The following PIEZO1 variants were observed in gnomAD, a reference collection of about 807,000 sequenced individuals.
PIEZO1 encodes piezo-type mechanosensitive ion channel component 1.
In PIEZO1, 296 loss-of-function variants were observed where a neutral mutation model predicts 297.2. The ratio of observed to expected loss-of-function variants is 1.00; its 90% CI spans 0.91 to 1.10. The LOEUF (loss-of-function observed/expected upper bound fraction) is 1.10, where lower values mean the gene tolerates loss of function less well. Among genes scored for constraint, PIEZO1 ranks in the 50% least tolerant of loss-of-function variants. PIEZO1 has a pLI of 0.00. For synonymous variants in PIEZO1, 2,427 were observed against 1,507.5 expected, an observed-to-expected ratio of 1.61 and a Z score of -14.13; for missense variants, 5,018 against 3,455.5, an observed-to-expected ratio of 1.45 and a Z score of -11.34.
intron 1 of PIEZO1, among the ~76,000 whole-genome samples, chr16:88,751,472 C>A (rs796480330): frequency 2.0e-5 from 3 of 152,334 alleles, no homozygotes; most frequent in African/African-American, 7.2e-5. Context: ...GGGCTCAAGG[C>A]GGCCTCGGCT....
At chr16:88,753,678 C>T (rs891609424) in intron 1 of PIEZO1, among the ~76,000 whole-genome samples, 7 of 152,176 alleles carry the variant, frequency 4.6e-5, no homozygotes, top group African/African-American at 1.7e-4. Context: ...CACGGCTTTT[C>T]GAAACACTCC....
rs1567669804 is a variant in PIEZO1, at chr16:88,731,866, G to C, written c.3036C>G (p.Asn1012Lys). 3 of 1,399,174 alleles carry C rather than the reference G, an allele frequency of 2.1e-6. No homozygotes were observed. Among genetic ancestry groups the C allele is most frequent in the Non-Finnish European group, 2.8e-6 (3 of 1,069,552 alleles). The allele number at this position is 1,399,174 out of a possible 1,614,324, so 86.7% of individuals were successfully genotyped here. Residue 1012 changes from asparagine (N) to lysine (K), a missense_variant, in exon 22 of 51, where the codon AAC becomes AAG. By Grantham distance (94) the Asn-to-Lys change is moderately conservative. Transcript: ENST00000301015. ...MAVNVIGQRM[N>K]FLVTLHGCWL... Reference sequence around the variant, plus strand: ...AGCAACCGTGCAGGGTCACCAGAAAGTTCATGCGCTGCCCGATCACGTTCA... The same window carrying C: ...AGCAACCGTGCAGGGTCACCAGAAACTTCATGCGCTGCCCGATCACGTTCA...
rs914435870 is a variant in PIEZO1, at chr16:88,736,167, CAG to C, written c.1536_1537del (p.Cys513SerfsTer263). Reference sequence around the variant, plus strand: ...ACTCACCATGGCACCAAGGTCCAGACAGGGGTAGCGGGTGTGCTCCAGCCCCA... The same window carrying C: ...ACTCACCATGGCACCAAGGTCCAGACGGGTAGCGGGTGTGCTCCAGCCCCA... On this transcript the variant is annotated frameshift_variant, in exon 12 of 51. Transcript: ENST00000301015. LOFTEE classifies it high-confidence loss of function. The C allele has an allele frequency of 2.0e-5, 31 of 1,547,432 alleles. No homozygotes were observed. The highest frequency in any genetic ancestry group is 1.9e-4 in the Middle Eastern group (1 of 5,326).
At chr16:88,717,285 C>T (rs1912119312) in intron 44 of PIEZO1, 74 bp from the exon 45 acceptor site, 4 of 1,378,172 alleles carry the variant, frequency 2.9e-6, no homozygotes, top group South Asian at 1.2e-5. Flanking sequence ...TTCTCCAGCT[C>T]ACCCAGCAGC....
At position 88,734,363 on chromosome 16, in the gene PIEZO1, C is replaced by A; in HGVS notation, c.2173G>T (p.Ala725Ser). 1.3e-6 allele frequency: 2 copies of A among 1,531,920 alleles called. No homozygotes were observed. The highest frequency in any genetic ancestry group is 1.2e-5 in the South Asian group (1 of 80,964). 94.9% of individuals were successfully genotyped at this position (1,531,920 alleles called of 1,614,324 possible). The change falls in exon 16 of 51, where the codon GCT becomes TCT. Residue 725 changes from alanine (A) to serine (S), a missense_variant. Ala to Ser is a moderately conservative substitution (Grantham distance 99). Coordinates refer to ENST00000301015, the MANE Select transcript of PIEZO1 (RefSeq NM_001142864.4). Reference protein sequence around the residue: ...SLPGTRLPRWAHRQDAVSGTP... With the variant: ...SLPGTRLPRWSHRQDAVSGTP... ...GGGAGGGCGGGGCCGCACCTGTGAGCCCAGCGCGGGAGGCGCGTGCCAGGC... is the reference window on the plus strand; with the variant it reads ...GGGAGGGCGGGGCCGCACCTGTGAGACCAGCGCGGGAGGCGCGTGCCAGGC...
In PIEZO1 at chr16:88,737,778, G is replaced by C. The variant is rs1369770942; in HGVS notation, c.1057C>G (p.Leu353Val). Residue 353 changes from leucine to valine, a missense_variant, in exon 9 of 51, where the codon CTG becomes GTG. Coordinates refer to ENST00000301015, the MANE Select transcript of PIEZO1 (RefSeq NM_001142864.4). ...CACTGGTCCAGCTCTGCTAGCTCCA[G>C]CTCCCGAGCCTCATACCCCTTTGCC... Reference protein sequence around the residue: ...EAAKGYEARELELAELDQWPQ... With the variant: ...EAAKGYEAREVELAELDQWPQ... The C allele has an allele frequency of 6.5e-7, 1 of 1,535,782 alleles. No homozygotes were observed. The highest frequency in any genetic ancestry group is 8.7e-7 in the Non-Finnish European group (1 of 1,146,736).
In PIEZO1 at chr16:88,723,978, G is replaced by T. The variant is rs1157597454; in HGVS notation, c.4235-7C>A. On this transcript the variant is annotated splice_polypyrimidine_tract_variant and splice_region_variant and intron_variant, in intron 30 of 50. Coordinates refer to ENST00000301015, the MANE Select transcript of PIEZO1 (RefSeq NM_001142864.4). ...TAGTCCCCGGAGTGGATGACTGTGG[G>T]CAGGCAGCACTGAGAGCCAGCCTTC... The T allele has an allele frequency of 3.3e-6, 5 of 1,515,234 alleles. No individual in the cohort carries two copies. Among genetic ancestry groups the T allele is most frequent in the Middle Eastern group, 3.4e-4 (2 of 5,952 alleles). The allele number at this position is 1,515,234 out of a possible 1,614,324, so 93.9% of individuals were successfully genotyped here.
intron 1 of PIEZO1, among the ~76,000 whole-genome samples, chr16:88,757,359 C>A (rs149078853): frequency 0.01 from 1,496 of 149,600 alleles, 31 homozygotes; most frequent in African/African-American, 0.027. Flanking sequence ...CCTGCTTTCC[C>A]GTGTGGTTAA....
Position 88,715,658 on chromosome 16 carries a change from A to AGAT in PIEZO1, c.7510_7512dup (p.Ile2504dup). On this transcript the variant is annotated inframe_insertion, in exon 51 of 51. Transcript: ENST00000301015. ...ATGGTCTCCGGTGAGCGGTAGAGGA[A>AGAT]GATGAGCTTGGCGTACAACTCCTCC... is the stretch of plus-strand genomic sequence containing the variant. 6.5e-7 allele frequency: 1 copy of AGAT among 1,550,312 alleles called. No individual in the cohort carries two copies.
intron 10 of PIEZO1, 199 bp from the exon 11 acceptor site, chr16:88,736,938 C>G: frequency 2.1e-6 from 1 of 477,038 alleles, no homozygotes; most frequent in Non-Finnish European, 3.7e-6. Context: ...CCAGCACCTG[C>G]CGTTCTCTGG....
chr16:88,746,048 G>A (rs62048197), intron 2 of PIEZO1, among the ~76,000 whole-genome samples: 78,297 of 150,720 alleles, frequency 0.52, 21,154 homozygotes, highest in Non-Finnish European at 0.61. Context: ...TCCGTGGGGT[G>A]TGCATGGGAG....
rs990897688 is a variant in PIEZO1 at position 88,720,166 on chromosome 16, G to T, written c.6067C>A (p.Leu2023Met). The T allele has an allele frequency of 9.0e-6, 14 of 1,550,378 alleles. No homozygotes were observed. Among genetic ancestry groups the T allele is most frequent in the Non-Finnish European group, 1.2e-5 (14 of 1,146,980 alleles). Residue 2023 changes from leucine to methionine, a missense_variant, in exon 42 of 51, where the codon CTG (leucine) becomes ATG (methionine). By Grantham distance (15) the Leu-to-Met change is conservative (BLOSUM62 2). Coordinates refer to ENST00000301015, the MANE Select transcript of PIEZO1 (RefSeq NM_001142864.4). ...AGCTTGCCCAGCACGGTCTTGCGCA[G>T]GTAGAGGGCGCGGTCAACCACCATG... ...STMVVDRALY[L>M]RKTVLGKLAF... is the part of the protein sequence containing the mutation.
At chr16:88,774,492 G>A (rs1157914463) in intron 1 of PIEZO1, among the ~76,000 whole-genome samples, 1 of 152,204 alleles carries the variant, frequency 6.6e-6, no homozygotes, top group African/African-American at 2.4e-5. Context: ...GACAGCTCAG[G>A]GTCAAGGAGA....
At chr16:88,732,768 G>A in intron 19 of PIEZO1, 36 bp from the exon 20 acceptor site, 2 of 1,510,446 alleles carry the variant, frequency 1.3e-6, no homozygotes, top group Non-Finnish European at 1.8e-6. Context: ...CCCCTCCCAG[G>A]CCACAGTGCC....
In PIEZO1 at chr16:88,732,432, G is replaced by T; in HGVS notation, c.2894C>A (p.Ala965Asp). The T allele has an allele frequency of 6.5e-7, 1 of 1,549,738 alleles. No individual in the cohort carries two copies. Among genetic ancestry groups the T allele is most frequent in the Non-Finnish European group, 8.7e-7 (1 of 1,146,536 alleles). Residue 965 changes from alanine to aspartate, a missense_variant, in exon 21 of 51, where the codon GCC (alanine) becomes GAC (aspartate). Transcript: ENST00000301015. ...CTGGCGGGTGCCGCTGGCAAACACG[G>T]CCTGGGCAGGCAGCGGGGCCAGCTG... ...QHQLAPLPAQAVFASGTRQQL... is the reference protein window; with the variant it reads ...QHQLAPLPAQDVFASGTRQQL...
chr16:88,720,306 C>T (rs1567660096), intron 41 of PIEZO1, 23 bp from the exon 42 acceptor site: 8 of 1,549,988 alleles, frequency 5.2e-6, no homozygotes, highest in Non-Finnish European at 7.0e-6. Flanking sequence ...GAGCACAGGT[C>T]AGGGGGAGCC....
intron 1 of PIEZO1, among the ~76,000 whole-genome samples, chr16:88,768,416 GC>G (rs1042412400): frequency 6.6e-6 from 1 of 152,236 alleles, no homozygotes; most frequent in African/African-American, 2.4e-5. Flanking sequence ...GGACTGGACG[GC>G]CCTGGCTAAA....
chr16:88,727,937 C>T (rs1213235856), intron 22 of PIEZO1: 2 of 295,706 alleles, frequency 6.8e-6, no homozygotes, highest in South Asian at 2.7e-4. Flanking sequence ...TTGTGGCCCA[C>T]ACGGCGTCAT....
In PIEZO1 at chr16:88,737,777, A is replaced by G. The variant is rs1401732499; in HGVS notation, c.1058T>C (p.Leu353Pro). 3.9e-6 allele frequency: 6 copies of G among 1,535,628 alleles called. No homozygotes were observed. The highest frequency in any genetic ancestry group is 2.7e-5 in the African/African-American group (2 of 73,014). The change falls in exon 9 of 51, where the codon CTG becomes CCG. Residue 353 changes from leucine (L) to proline (P), a missense_variant. Physicochemically the swap from Leu to Pro is moderately conservative, Grantham distance 98 (BLOSUM62 -3). Coordinates refer to ENST00000301015, the MANE Select transcript of PIEZO1 (RefSeq NM_001142864.4). Reference sequence around the variant, plus strand: ...CCACTGGTCCAGCTCTGCTAGCTCCAGCTCCCGAGCCTCATACCCCTTTGC... The same window carrying G: ...CCACTGGTCCAGCTCTGCTAGCTCCGGCTCCCGAGCCTCATACCCCTTTGC... ...EAAKGYEARE[L>P]ELAELDQWPQ...
Sources: allele counts gnomAD v4.1 joint callset (sites outside exome capture counted in the v4.1 genomes callset), GRCh38; gene constraint gnomAD v4.1.1; transcripts MANE v1.5; gene names NCBI Gene and HGNC (gene_info 2026-07-23, HGNC 2026-07-21).